Variants in PCSK2 observed in about 807,000 individuals in gnomAD.
PCSK2 encodes the protein neuroendocrine convertase 2.
In PCSK2, 14 loss-of-function variants were observed where a neutral mutation model predicts 69.7. The ratio of observed to expected loss-of-function variants is 0.20; its 90% confidence interval spans 0.13 to 0.31. The LOEUF (loss-of-function observed/expected upper bound fraction) is 0.31. Among genes scored for constraint, PCSK2 ranks in the 10% least tolerant of loss-of-function variants. The pLI, the probability that PCSK2 is intolerant of heterozygous loss-of-function variation, is 1.00. For missense variants in PCSK2, 544 were observed against 842.5 expected, an observed-to-expected ratio of 0.65 and a Z score of 4.39; for synonymous variants, 307 against 320.7, an observed-to-expected ratio of 0.96 and a Z score of 0.46.
intron 2 of PCSK2, among the ~76,000 whole-genome samples, chr20:17,299,177 T>C (rs980970512): frequency 1.3e-5 from 2 of 152,224 alleles, no homozygotes; most frequent in Non-Finnish European, 2.9e-5. Context: ...GCCTCATCTA[T>C]TTGTTTTCAC....
intron 5 of PCSK2, among the ~76,000 whole-genome samples, chr20:17,369,882 G>A (rs200873939): frequency 1.2e-4 from 18 of 152,328 alleles, no homozygotes; most frequent in East Asian, 9.6e-4. Flanking sequence ...AAGTAAGAGC[G>A]TTATCTTTTT....
chr20:17,353,683 A>T (rs1452281857), intron 2 of PCSK2, among the ~76,000 whole-genome samples: 1 of 152,178 alleles, frequency 6.6e-6, no homozygotes, highest in Non-Finnish European at 1.5e-5. Flanking sequence ...CCAAAAAGAC[A>T]CATGCACTTT....
intron 1 of PCSK2, among the ~76,000 whole-genome samples, chr20:17,232,510 C>T (rs6111465): frequency 2.0e-5 from 3 of 152,140 alleles, no homozygotes; most frequent in African/African-American, 7.2e-5. Context: ...ATGCTTTGTC[C>T]TGAAAAGTTT....
At chr20:17,480,416 C>G (rs1161931821) in intron 11 of PCSK2, among the ~76,000 whole-genome samples, 1 of 152,064 alleles carries the variant, frequency 6.6e-6, no homozygotes, top group Non-Finnish European at 1.5e-5. Context: ...GTCTCGATCT[C>G]CTGACCTCAT....
rs3076146 is a variant in PCSK2, at chr20:17,481,388, CAAAAAAA to C, written c.1431-176_1431-170del. On this transcript the variant is annotated intron_variant, in intron 11 of 11. Transcript: ENST00000262545. The stretch of plus-strand genomic sequence containing the variant: ...CAGAGTGGGACCCTGTCTCAAAAGA[CAAAAAAA>C]AAAAAAAAAAAAAAAAAAAGAGATA... Among the ~76,000 whole-genome samples the C allele has an allele frequency of 5.5e-3, 361 of 65,682 alleles. 6 individuals carry two copies. Among genetic ancestry groups the C allele is most frequent in the South Asian group, 0.016 (25 of 1,608 alleles). The allele number at this position is 65,682 out of a possible 152,430, so 43.1% of individuals were successfully genotyped here. A position where few individuals can be genotyped will look rare whatever the true frequency, so the allele number is the denominator to read the frequency against.
intron 8 of PCSK2, among the ~76,000 whole-genome samples, chr20:17,451,254 G>A (rs926735493): frequency 6.6e-6 from 1 of 152,196 alleles, no homozygotes; most frequent in African/African-American, 2.4e-5. Flanking sequence ...GTGTAACAGT[G>A]AGCTGGCTGC....
intron 2 of PCSK2, among the ~76,000 whole-genome samples, chr20:17,304,234 TGTAA>T (rs1273639451): frequency 6.6e-6 from 1 of 152,176 alleles, no homozygotes; most frequent in African/African-American, 2.4e-5. Context: ...TATGACCTAT[TGTAA>T]GTTTTTGTGT....
chr20:17,386,464 G>C (rs1399924627), intron 5 of PCSK2, among the ~76,000 whole-genome samples: 1 of 152,060 alleles, frequency 6.6e-6, no homozygotes, highest in Non-Finnish European at 1.5e-5. Flanking sequence ...CAGAATTTCA[G>C]GAAGGAAATT....
intron 2 of PCSK2, among the ~76,000 whole-genome samples, chr20:17,290,703 T>A (rs1568587153): frequency 6.6e-6 from 1 of 152,208 alleles, no homozygotes; most frequent in Non-Finnish European, 1.5e-5. Context: ...GAGGTAATTG[T>A]CTTTGTCTAT....
intron 8 of PCSK2, among the ~76,000 whole-genome samples, chr20:17,447,800 A>G (rs1363639286): frequency 6.6e-6 from 1 of 152,228 alleles, no homozygotes; most frequent in East Asian, 1.9e-4. Flanking sequence ...ATAAAAAATT[A>G]TGGTGTAGAA....
At chr20:17,235,273 A>T (rs1275109501) in intron 1 of PCSK2, among the ~76,000 whole-genome samples, 1 of 152,156 alleles carries the variant, frequency 6.6e-6, no homozygotes, top group Non-Finnish European at 1.5e-5. Flanking sequence ...TTCCTGACAT[A>T]AAGTAGACTT....
chr20:17,314,619 T>C (rs1182192688), intron 2 of PCSK2, among the ~76,000 whole-genome samples: 1 of 152,216 alleles, frequency 6.6e-6, no homozygotes, highest in Non-Finnish European at 1.5e-5. Context: ...GGTTTGTTTT[T>C]TCTGCTTTTA....
chr20:17,382,123 G>T (rs1285405233), intron 5 of PCSK2, among the ~76,000 whole-genome samples: 2 of 152,120 alleles, frequency 1.3e-5, no homozygotes, highest in Non-Finnish European at 2.9e-5. Flanking sequence ...CTCCCGTGGA[G>T]AGTTGGTAGT....
intron 6 of PCSK2, among the ~76,000 whole-genome samples, chr20:17,428,637 C>T (rs1326609102): frequency 6.6e-6 from 1 of 152,180 alleles, no homozygotes; most frequent in Non-Finnish European, 1.5e-5. Flanking sequence ...GCAGGCCATA[C>T]TCGCACTGTC....
At chr20:17,260,934 T>C (rs1454229003) in intron 2 of PCSK2, among the ~76,000 whole-genome samples, 1 of 152,130 alleles carries the variant, frequency 6.6e-6, no homozygotes, top group East Asian at 1.9e-4. Context: ...ATCACCCCCA[T>C]TTTTTTAATC....
chr20:17,416,568 TTGG>T (rs577524856), intron 6 of PCSK2, among the ~76,000 whole-genome samples: 100 of 152,164 alleles, frequency 6.6e-4, no homozygotes, highest in Admixed American at 2.0e-3. Flanking sequence ...TTTTGCACTG[TTGG>T]TGGGAGTGTA....
intron 8 of PCSK2, among the ~76,000 whole-genome samples, chr20:17,447,867 A>G (rs996003593): frequency 3.9e-5 from 6 of 152,204 alleles, no homozygotes; most frequent in African/African-American, 7.2e-5. Context: ...ATACATTTTA[A>G]GCAGGCCAAG....
rs1021595596 is a variant in PCSK2, at chr20:17,435,682, C to T, written c.710-1026C>T. Reference sequence around the variant, plus strand: ...TGGCCCAACCCCTTCATTCCATAATCGCAGTGGGTGGAAAGACTCAGGTCA... The same window carrying T: ...TGGCCCAACCCCTTCATTCCATAATTGCAGTGGGTGGAAAGACTCAGGTCA... On this transcript the variant is annotated intron_variant, in intron 7 of 11. Coordinates refer to ENST00000262545, the MANE Select transcript of PCSK2 (RefSeq NM_002594.5). Among the ~76,000 whole-genome samples the T allele has an allele frequency of 1.5e-4, 23 of 152,308 alleles. No individual in the cohort carries two copies. In the East Asian group the frequency reaches 1.7e-3, roughly 12 times the overall value.
rs150513941 is a variant in PCSK2, at chr20:17,410,568, C to G, written c.620+1229C>G. On this transcript the variant is annotated intron_variant, in intron 6 of 11. Coordinates refer to ENST00000262545, the MANE Select transcript of PCSK2 (RefSeq NM_002594.5). ...AGATCATTGCTGATGTCGGATAGCA[C>G]AATTCATTCTCTATCCACATCACCT... Among the ~76,000 whole-genome samples the G allele has an allele frequency of 4.1e-4, 63 of 152,306 alleles. 1 individual carries two copies. The highest frequency in any genetic ancestry group is 1.3e-3 in the African/African-American group (54 of 41,576).
Sources: gnomAD v4.1 joint callset for allele counts (sites outside exome capture counted in the v4.1 genomes callset) on GRCh38, gnomAD v4.1.1 for gene constraint, MANE v1.5 for transcripts, NCBI Gene and HGNC (gene_info 2026-07-23, HGNC 2026-07-21) for gene names.